SS18: variants seen among roughly 807,000 people sequenced by gnomAD.
SS18 encodes the protein SS18 subunit of BAF chromatin remodeling complex, also known as protein SSXT.
In SS18, 28 loss-of-function variants were observed where a neutral mutation model predicts 72.5. The observed-to-expected ratio is 0.39, with a 90% CI of 0.29 to 0.53. The LOEUF is 0.53. Among genes scored for constraint, SS18 ranks in the 20% least tolerant of loss-of-function variants. SS18 has a pLI of 0.76. For missense variants in SS18, 518 were observed against 535.3 expected (o/e 0.97, Z 0.32); for synonymous variants, 172 against 164.2 (o/e 1.05, Z -0.37).
intron 3 of SS18, among the ~76,000 whole-genome samples, chr18:26,066,626 ACAC>A (rs1465580052): frequency 2.6e-5 from 4 of 151,806 alleles, no homozygotes; most frequent in East Asian, 3.9e-4. Flanking sequence ...ACACACACAC[ACAC>A]ATTTCTGTTC....
intron 10 of SS18, among the ~76,000 whole-genome samples, chr18:26,030,973 G>A (rs2053533781): frequency 6.6e-6 from 1 of 152,196 alleles, no homozygotes; most frequent in South Asian, 2.1e-4. Context: ...GTGAGGTCAA[G>A]GAAGATCAAG....
At chr18:26,047,280 A>AAG (rs1555647742) in intron 5 of SS18, among the ~76,000 whole-genome samples, 12 of 147,960 alleles carry the variant, frequency 8.1e-5, no homozygotes, top group Non-Finnish European at 1.2e-4. Flanking sequence ...AAAAAAAAAA[A>AAG]AAGAAGAAGA....
chr18:26,038,021 G>T (rs921764139), intron 7 of SS18, among the ~76,000 whole-genome samples: 1 of 151,882 alleles, frequency 6.6e-6, no homozygotes, highest in Non-Finnish European at 1.5e-5. Flanking sequence ...TCTCTATATG[G>T]CTATATTATG....
rs77887508 is a variant in SS18, at chr18:26,020,941, A to T, written c.1231-2561T>A. Among the ~76,000 whole-genome samples, 659 of 152,338 alleles carry T rather than the reference A, an allele frequency of 4.3e-3. 4 individuals are homozygous for T. Among genetic ancestry groups the T allele is most frequent in the African/African-American group, 0.014 (593 of 41,574 alleles). On this transcript the variant is annotated intron_variant, in intron 10 of 10. Transcript: ENST00000415083. ...ATAATGAGGAGTAGAAGCTAATAAT[A>T]TACCCTGATAATAATACCTCAGTTT... is the stretch of plus-strand genomic sequence containing the variant.
intron 10 of SS18, among the ~76,000 whole-genome samples, chr18:26,026,159 A>G (rs1567987926): frequency 6.6e-6 from 1 of 152,156 alleles, no homozygotes; most frequent in Non-Finnish European, 1.5e-5. Flanking sequence ...ATATGCCACC[A>G]TGACTGGCTA....
At chr18:26,058,390 A>G (rs1212902289) in intron 3 of SS18, among the ~76,000 whole-genome samples, 1 of 152,220 alleles carries the variant, frequency 6.6e-6, no homozygotes, top group Admixed American at 6.5e-5. Context: ...GGGCAAAAGG[A>G]AAAACAGATA....
intron 3 of SS18, among the ~76,000 whole-genome samples, chr18:26,073,117 C>T (rs1238865783): frequency 1.3e-5 from 2 of 151,714 alleles, no homozygotes; most frequent in Non-Finnish European, 2.9e-5. Context: ...TCAAGGAATT[C>T]CAAAGAACTC....
At chr18:26,085,781 A>G (rs924540259) in intron 2 of SS18, 7 of 152,338 alleles carry the variant, frequency 4.6e-5, no homozygotes, top group African/African-American at 1.7e-4. Flanking sequence ...ACATTTAAAA[A>G]TACTTTTAAA....
At chr18:26,052,587 G>A in intron 5 of SS18, 37 bp downstream of exon 5, 2 of 1,520,074 alleles carry the variant, frequency 1.3e-6, no homozygotes, top group African/African-American at 1.4e-5. Flanking sequence ...AAGGCTAATA[G>A]AGCACTCTAG....
chr18:26,050,958 T>TA (rs1171572560), intron 5 of SS18, among the ~76,000 whole-genome samples: 1 of 152,148 alleles, frequency 6.6e-6, no homozygotes, highest in African/African-American at 2.4e-5. Context: ...TCAATGATTT[T>TA]AACCATATTT....
intron 3 of SS18, among the ~76,000 whole-genome samples, chr18:26,074,160 C>A (rs2054366494): frequency 6.6e-6 from 1 of 152,068 alleles, no homozygotes; most frequent in African/African-American, 2.4e-5. Flanking sequence ...ACTCAGTAAA[C>A]TTATACTTTC....
intron 7 of SS18, among the ~76,000 whole-genome samples, chr18:26,036,973 G>C (rs2053636790): frequency 6.6e-6 from 1 of 151,992 alleles, no homozygotes; most frequent in Admixed American, 6.6e-5. Flanking sequence ...GGCCCACAAA[G>C]ACTAAAGTAT....
chr18:26,019,426 C>G, intron 10 of SS18, among the ~76,000 whole-genome samples: 1 of 152,014 alleles, frequency 6.6e-6, no homozygotes, highest in Non-Finnish European at 1.5e-5. Flanking sequence ...AAATGGTACC[C>G]TAAAAATCTA....
intron 10 of SS18, among the ~76,000 whole-genome samples, chr18:26,024,543 C>G (rs150571295): frequency 1.3e-5 from 2 of 152,260 alleles, no homozygotes; most frequent in African/African-American, 2.4e-5. Context: ...TCTTCAACTC[C>G]TGGGCTCAAG....
At chr18:26,061,872 T>A (rs1478844502) in intron 3 of SS18, among the ~76,000 whole-genome samples, 1 of 152,148 alleles carries the variant, frequency 6.6e-6, no homozygotes, top group African/African-American at 2.4e-5. Context: ...AAAGTATATG[T>A]GGATAAATAC....
intron 10 of SS18, among the ~76,000 whole-genome samples, chr18:26,022,363 T>C (rs541468934): frequency 1.3e-5 from 2 of 151,864 alleles, no homozygotes; most frequent in African/African-American, 4.8e-5. Context: ...ATCTGTCAAA[T>C]GAAGAGAAAT....
rs527650709 is a variant in SS18, at chr18:26,053,515, A to G, written c.386-670T>C. The stretch of plus-strand genomic sequence containing the variant: ...AATTTAAAAATTTGCACGACATAAA[A>G]AACTCAAAATTAAATAATAAAAAGG... On this transcript the variant is annotated intron_variant, in intron 4 of 10. Coordinates refer to ENST00000415083, the MANE Select transcript of SS18 (RefSeq NM_001007559.3). Among the ~76,000 whole-genome samples the G allele has an allele frequency of 3.3e-5, 5 of 151,520 alleles. No homozygotes were observed. The South Asian group carries it at 8.4e-4, about 25-fold the overall frequency.
Position 26,066,692 on chromosome 18 carries a change from C to G in SS18, c.232-8950G>C, listed in dbSNP as rs145428966. The stretch of plus-strand genomic sequence containing the variant: ...TACCTATCTGGACTCAATTAGTCTT[C>G]TGAATTTTATATATACTGTCCAGCA... On this transcript the variant is annotated intron_variant, in intron 3 of 10. Coordinates refer to ENST00000415083, the MANE Select transcript of SS18 (RefSeq NM_001007559.3). Among the ~76,000 whole-genome samples the G allele has an allele frequency of 2.6e-3, 392 of 152,028 alleles. 3 individuals are homozygous for G. The highest frequency in any genetic ancestry group is 8.7e-3 in the African/African-American group (362 of 41,450).
chr18:26,090,810 C>A, upstream of SS18: 1 of 576,634 alleles, frequency 1.7e-6, no homozygotes, highest in South Asian at 2.1e-5. Flanking sequence ...GTCCCTGCAT[C>A]CCCCGAGCTC....
Sources: allele counts gnomAD v4.1 joint callset (sites outside exome capture counted in the v4.1 genomes callset), GRCh38; gene constraint gnomAD v4.1.1; transcripts MANE v1.5; gene names NCBI Gene and HGNC (gene_info 2026-07-23, HGNC 2026-07-21).